Variants in NFATC3 observed in about 807,000 individuals in gnomAD.
The protein encoded by NFATC3 is nuclear factor of activated T-cells, cytoplasmic 3.
Under a neutral mutation model 98.6 loss-of-function variants are expected in NFATC3, and 46 were observed. That is an observed-to-expected ratio of 0.47 (90% CI 0.37 to 0.60). The LOEUF (loss-of-function observed/expected upper bound fraction) is 0.60. Among genes scored for constraint, NFATC3 ranks in the 20% least tolerant of loss-of-function variants. The pLI, the probability that NFATC3 is intolerant of heterozygous loss-of-function variation, is 0.00. For synonymous variants in NFATC3, 512 were observed against 472.2 expected (o/e 1.08, Z -1.09); for missense variants, 1,256 against 1,295.5 (o/e 0.97, Z 0.47).
At chr16:68,222,341 A>G (rs1482450419) in intron 9 of NFATC3, among the ~76,000 whole-genome samples, 2 of 151,098 alleles carry the variant, frequency 1.3e-5, no homozygotes, top group Non-Finnish European at 2.9e-5. Context: ...AAAAAGAAAA[A>G]AAAGAGAGAA....
chr16:68,160,289 C>A (rs767497171), intron 4 of NFATC3, among the ~76,000 whole-genome samples: 5 of 151,620 alleles, frequency 3.3e-5, no homozygotes, highest in Admixed American at 6.6e-5. Flanking sequence ...TATGGTGAAA[C>A]CCCCAACTCT....
intron 9 of NFATC3, among the ~76,000 whole-genome samples, chr16:68,210,043 A>G (rs899522285): frequency 4.6e-5 from 7 of 151,506 alleles, no homozygotes; most frequent in Non-Finnish European, 2.9e-5. Flanking sequence ...CGCGCCTGTA[A>G]TCCCAGCACT....
At chr16:68,165,374 CT>C (rs1030429802) in intron 4 of NFATC3, among the ~76,000 whole-genome samples, 82 of 109,700 alleles carry the variant, frequency 7.5e-4, no homozygotes, top group African/African-American at 1.7e-3. Context: ...TATTGGTTGT[CT>C]TTTTTTTTTT....
chr16:68,103,012 G>C (rs2035453420), intron 1 of NFATC3, among the ~76,000 whole-genome samples: 1 of 151,968 alleles, frequency 6.6e-6, no homozygotes, highest in Non-Finnish European at 1.5e-5. Flanking sequence ...CTTCTTTGGA[G>C]AAATGCCTAT....
At chr16:68,140,954 AC>A (rs2037720086) in intron 3 of NFATC3, among the ~76,000 whole-genome samples, 1 of 151,710 alleles carries the variant, frequency 6.6e-6, no homozygotes, top group African/African-American at 2.4e-5. Flanking sequence ...CTCCTATCCT[AC>A]CCTCTTCTGA....
At chr16:68,150,205 G>T (rs567044239) in intron 3 of NFATC3, among the ~76,000 whole-genome samples, 3 of 152,014 alleles carry the variant, frequency 2.0e-5, no homozygotes, top group Admixed American at 6.6e-5. Flanking sequence ...AGCTCTATCA[G>T]ACCCAGCCCC....
At chr16:68,158,117 T>G in intron 4 of NFATC3, 49 bp downstream of exon 4, 1 of 1,222,682 alleles carries the variant, frequency 8.2e-7, no homozygotes, top group Admixed American at 2.6e-5. Context: ...TCTCTATACT[T>G]TCAGAAAAAA....
intron 9 of NFATC3, among the ~76,000 whole-genome samples, chr16:68,215,790 C>G (rs550398511): frequency 7.5e-6 from 1 of 134,206 alleles, no homozygotes; most frequent in Admixed American, 8.6e-5. Flanking sequence ...TGCAGTGGTG[C>G]GATCTCCGCT....
At chr16:68,118,132 A>G (rs12599880) in intron 1 of NFATC3, among the ~76,000 whole-genome samples, 17,849 of 152,116 alleles carry the variant, frequency 0.12, 1,209 homozygotes, top group South Asian at 0.2. Context: ...TGTTGCAACT[A>G]TCACCTTCTC....
intron 1 of NFATC3, among the ~76,000 whole-genome samples, chr16:68,092,126 A>T (rs1246750422): frequency 6.6e-6 from 1 of 152,160 alleles, no homozygotes; most frequent in Non-Finnish European, 1.5e-5. Flanking sequence ...CTGAAATTTA[A>T]TCTTTGGGAC....
intron 5 of NFATC3, among the ~76,000 whole-genome samples, chr16:68,168,757 T>A (rs747821958): frequency 1.3e-5 from 2 of 152,250 alleles, no homozygotes; most frequent in South Asian, 4.1e-4. Flanking sequence ...GTGCTGAGAT[T>A]ACAGGCGTGA....
At chr16:68,152,647 C>T (rs1269139297) in intron 3 of NFATC3, among the ~76,000 whole-genome samples, 1 of 152,144 alleles carries the variant, frequency 6.6e-6, no homozygotes, top group African/African-American at 2.4e-5. Flanking sequence ...TTTCAGGTAG[C>T]TGGGACTACA....
chr16:68,166,530 T>C (rs2039203773), intron 4 of NFATC3, among the ~76,000 whole-genome samples: 1 of 152,192 alleles, frequency 6.6e-6, no homozygotes, highest in African/African-American at 2.4e-5. Context: ...AAGCAAGTCA[T>C]AGGCCAGTTC....
intron 6 of NFATC3, among the ~76,000 whole-genome samples, chr16:68,177,590 CT>C (rs2039773976): frequency 6.6e-6 from 1 of 151,918 alleles, no homozygotes; most frequent in South Asian, 2.1e-4. Flanking sequence ...CTTCTTTTTA[CT>C]TTTTTTATTA....
chr16:68,092,341 G>A (rs2034759496), intron 1 of NFATC3, among the ~76,000 whole-genome samples: 1 of 151,168 alleles, frequency 6.6e-6, no homozygotes, highest in African/African-American at 2.4e-5. Flanking sequence ...CTGTAATCCC[G>A]GCTACTTGGG....
intron 1 of NFATC3, 81 bp downstream of exon 1, chr16:68,085,865 G>A: frequency 9.2e-7 from 1 of 1,090,208 alleles, no homozygotes. Context: ...TGTTCCCTTG[G>A]ATGACCGGAG....
chr16:68,099,634 A>C (rs111862486), intron 1 of NFATC3, among the ~76,000 whole-genome samples: 1 of 150,748 alleles, frequency 6.6e-6, no homozygotes, highest in African/African-American at 2.4e-5. Context: ...ATAATAATAA[A>C]AAATATAGAA....
intron 3 of NFATC3, among the ~76,000 whole-genome samples, chr16:68,149,259 G>C (rs1369873601): frequency 6.6e-6 from 1 of 152,168 alleles, no homozygotes; most frequent in Non-Finnish European, 1.5e-5. Context: ...CATTTTATTA[G>C]TTCCCACAAT....
chr16:68,121,841 T>G, intron 1 of NFATC3, 146 bp from the exon 2 acceptor site: 1 of 866,976 alleles, frequency 1.2e-6, no homozygotes, highest in Non-Finnish European at 1.7e-6. Context: ...GCCACTTCTT[T>G]AGTGGAGCTA....
Sources: gnomAD v4.1 joint callset for allele counts (sites outside exome capture counted in the v4.1 genomes callset) on GRCh38, gnomAD v4.1.1 for gene constraint, MANE v1.5 for transcripts, NCBI Gene and HGNC (gene_info 2026-07-23, HGNC 2026-07-21) for gene names.